VIPR2: variants seen among roughly 807,000 people sequenced by gnomAD.
VIPR2 encodes the protein vasoactive intestinal polypeptide receptor 2.
Under a neutral mutation model 58.0 loss-of-function variants are expected in VIPR2, and 48 were observed. The ratio of observed to expected loss-of-function variants is 0.83; its 90% CI spans 0.66 to 1.05. The LOEUF (loss-of-function observed/expected upper bound fraction) is 1.05. Among genes scored for constraint, VIPR2 ranks in the 50% least tolerant of loss-of-function variants. The pLI, the probability that VIPR2 is intolerant of heterozygous loss-of-function variation, is 0.00. For synonymous variants in VIPR2, 243 were observed against 235.2 expected (o/e 1.03, Z -0.30); for missense variants, 534 against 558.0 (o/e 0.96, Z 0.43).
rs762360337 is a variant in VIPR2, at chr7:159,097,479, C to G, written c.357+6278G>C. On this transcript the variant is annotated intron_variant, in intron 4 of 12. Transcript: ENST00000262178. This position sits in a 1 kb window ranked among gnomAD's most constrained non-coding sequence, Gnocchi z 5.3. ...GGCCATTCCCGGGAACGCCACACTC[C>G]GCCCTGGCCACCTCCACCACAGAAG... is the stretch of plus-strand genomic sequence containing the variant. Among the ~76,000 whole-genome samples, 2 of 152,090 alleles carry G rather than the reference C, an allele frequency of 1.3e-5. No homozygotes were observed. Among genetic ancestry groups the G allele is most frequent in the Admixed American group, 1.3e-4 (2 of 15,272 alleles).
rs1423192043 is a variant in VIPR2, at chr7:159,030,457, A to G, written c.*159T>C. ...TCAATGACAACACGACTCCAATTCC[A>G]GGTATGGGGTTTAGTGGACAACCAG... On this transcript the variant is annotated 3_prime_UTR_variant, in exon 13 of 13. Transcript: ENST00000262178. 2 of 761,736 alleles carry G rather than the reference A, an allele frequency of 2.6e-6. No homozygotes were observed. Among genetic ancestry groups the G allele is most frequent in the Admixed American group, 3.7e-5 (1 of 26,978 alleles). The allele number at this position is 761,736 out of a possible 1,614,324, so 47.2% of individuals were successfully genotyped here. A position where few individuals can be genotyped will look rare whatever the true frequency, so the allele number is the denominator to read the frequency against.
rs1857941353 is a variant in VIPR2, at chr7:159,097,638, G to A, written c.357+6119C>T. On this transcript the variant is annotated intron_variant, in intron 4 of 12. Transcript: ENST00000262178. This position sits in a 1 kb window ranked among gnomAD's most constrained non-coding sequence, Gnocchi z 5.3. ...CCAAGATGAAATCCAAATCACCAAG[G>A]AGAATTCCCACTCCTTTTGGGCTTT... Among the ~76,000 whole-genome samples the A allele has an allele frequency of 6.6e-6, 1 of 152,166 alleles. No individual in the cohort carries two copies. Among genetic ancestry groups the A allele is most frequent in the African/African-American group, 2.4e-5 (1 of 41,436 alleles).
intron 2 of VIPR2, among the ~76,000 whole-genome samples, chr7:159,125,875 A>T (rs1796632655): frequency 6.6e-6 from 1 of 152,112 alleles, no homozygotes; most frequent in African/African-American, 2.4e-5. Flanking sequence ...GTGGGTGGAC[A>T]TTTCCTCGAA....
intron 4 of VIPR2, among the ~76,000 whole-genome samples, chr7:159,066,552 G>T (rs1255079741): frequency 6.6e-6 from 1 of 152,240 alleles, no homozygotes; most frequent in African/African-American, 2.4e-5. Flanking sequence ...CAGGATAATT[G>T]CTCCTGAACC....
At chr7:159,043,963 G>A (rs1301633714) in intron 5 of VIPR2, among the ~76,000 whole-genome samples, 1 of 152,142 alleles carries the variant, frequency 6.6e-6, no homozygotes, top group African/African-American at 2.4e-5. Flanking sequence ...ACATGAAGTG[G>A]GGAACCCAGA....
At chr7:159,090,049 C>T (rs541450646) in intron 4 of VIPR2, among the ~76,000 whole-genome samples, 57 of 150,252 alleles carry the variant, frequency 3.8e-4, no homozygotes, top group African/African-American at 1.4e-3. Flanking sequence ...CATCACAATC[C>T]CCGGTGACCT....
At chr7:159,132,975 C>CAGA (rs1797029518) in intron 2 of VIPR2, among the ~76,000 whole-genome samples, 21 of 145,606 alleles carry the variant, frequency 1.4e-4, no homozygotes, top group East Asian at 3.9e-4. Flanking sequence ...GATTGGCATA[C>CAGA]CGATTGATTT....
In VIPR2 at chr7:159,097,076, C is replaced by T; in HGVS notation, c.357+6681G>A. On this transcript the variant is annotated intron_variant, in intron 4 of 12. Coordinates refer to ENST00000262178, the MANE Select transcript of VIPR2 (RefSeq NM_003382.5). This position sits in a 1 kb window ranked among gnomAD's most constrained non-coding sequence, Gnocchi z 5.3. Reference sequence around the variant, plus strand: ...AGGCTCCTCCTGGCACCCTGGGAGGCTGGTGTGTCCTTGCAGGGTTGCAGG... The same window carrying T: ...AGGCTCCTCCTGGCACCCTGGGAGGTTGGTGTGTCCTTGCAGGGTTGCAGG... 6.5e-7 allele frequency: 1 copy of T among 1,541,284 alleles called. No individual in the cohort carries two copies. Among genetic ancestry groups the T allele is most frequent in the South Asian group, 1.2e-5 (1 of 82,796 alleles).
rs1162002386 is a variant in VIPR2, at chr7:159,093,919, A to T, written c.357+9838T>A. On this transcript the variant is annotated intron_variant, in intron 4 of 12. Transcript: ENST00000262178. The surrounding 1 kb of genome is among the most constrained non-coding windows in gnomAD (Gnocchi z 6.7). ...GGCGCCCCTCGTGACTCCCTCTTTC[A>T]GGGCTGGTGGTCATGTCTGCGTGAT... Among the ~76,000 whole-genome samples the T allele has an allele frequency of 6.6e-6, 1 of 152,120 alleles. No homozygotes were observed. Among genetic ancestry groups the T allele is most frequent in the Admixed American group, 6.5e-5 (1 of 15,274 alleles).
At chr7:159,052,175 A>T (rs982604199) in intron 5 of VIPR2, among the ~76,000 whole-genome samples, 3 of 152,218 alleles carry the variant, frequency 2.0e-5, no homozygotes, top group Admixed American at 2.0e-4. Flanking sequence ...TAAAATTGGT[A>T]ACACTTTATT....
In VIPR2 at chr7:159,032,015, T is replaced by C. The variant is rs866553556; in HGVS notation, c.1024A>G (p.Met342Val). 60 of 1,613,868 alleles carry C rather than the reference T, an allele frequency of 3.7e-5. No homozygotes were observed. The highest frequency in any genetic ancestry group is 2.2e-4 in the Admixed American group (13 of 59,990). The change falls in exon 11 of 13, where the codon ATG becomes GTG. Residue 342 changes from methionine (M) to valine (V), a missense_variant. By Grantham distance (21) the Met-to-Val change is conservative. Transcript: ENST00000262178. ...CTGATGGGAAACACGGCAAACACCATGTAGTGGACGCCGAACAGCGGGATA... is the reference window on the plus strand; with the variant it reads ...CTGATGGGAAACACGGCAAACACCACGTAGTGGACGCCGAACAGCGGGATA... The part of the protein sequence containing the change: ...LLIPLFGVHY[M>V]VFAVFPISIS...
At chr7:159,072,321 A>C (rs1245558258) in intron 4 of VIPR2, among the ~76,000 whole-genome samples, 1 of 152,266 alleles carries the variant, frequency 6.6e-6, no homozygotes, top group Non-Finnish European at 1.5e-5. Flanking sequence ...AAAATTTTAA[A>C]GAGCAAGAAA....
intron 4 of VIPR2, among the ~76,000 whole-genome samples, chr7:159,061,297 T>C (rs2129494114): frequency 6.8e-6 from 1 of 147,986 alleles, no homozygotes; most frequent in Admixed American, 6.8e-5. Flanking sequence ...TCATGAAATA[T>C]ATCCAGGTAA....
At chr7:159,118,669 A>G (rs1463894691) in intron 2 of VIPR2, among the ~76,000 whole-genome samples, 2 of 152,260 alleles carry the variant, frequency 1.3e-5, no homozygotes, top group East Asian at 1.9e-4. Flanking sequence ...ATCAGGTCCA[A>G]GTTCTTTCAT....
chr7:159,119,809 G>A (rs1796384717), intron 2 of VIPR2, among the ~76,000 whole-genome samples: 1 of 151,348 alleles, frequency 6.6e-6, no homozygotes, highest in Non-Finnish European at 1.5e-5. Flanking sequence ...AGCTGTCCAG[G>A]GATGCACAAA....
chr7:159,128,948 C>T lies in VIPR2; in HGVS notation c.151+13498G>A, dbSNP rs549650177. On this transcript the variant is annotated intron_variant, in intron 2 of 12. Coordinates refer to ENST00000262178, the MANE Select transcript of VIPR2 (RefSeq NM_003382.5). The surrounding 1 kb of genome is among the most constrained non-coding windows in gnomAD (Gnocchi z 4.1). ...CCACCCTTCAAGCTCCAGGGCAAAG[C>T]CAGCCCGAGCGCCAGTGTAAATGCA... Among the ~76,000 whole-genome samples, 28 of 152,338 alleles carry T rather than the reference C, an allele frequency of 1.8e-4. No homozygotes were observed. The highest frequency in any genetic ancestry group is 6.5e-4 in the African/African-American group (27 of 41,580).
chr7:159,095,690 C>T lies in VIPR2; in HGVS notation c.357+8067G>A, dbSNP rs369788012. On this transcript the variant is annotated intron_variant, in intron 4 of 12. Coordinates refer to ENST00000262178, the MANE Select transcript of VIPR2 (RefSeq NM_003382.5). The surrounding 1 kb of genome is among the most constrained non-coding windows in gnomAD (Gnocchi z 5.2). ...GGCCCTGCTGTTCTGCCCCCTTGGC[C>T]GTTATCCAGCCCACGGTGGTCTCCA... 1.4e-4 allele frequency among the ~76,000 whole-genome samples: 21 copies of T among 152,168 alleles called. No homozygotes were observed. The highest frequency in any genetic ancestry group is 2.8e-4 in the Non-Finnish European group (19 of 68,022).
intron 4 of VIPR2, among the ~76,000 whole-genome samples, chr7:159,075,363 T>A (rs1856583830): frequency 6.6e-6 from 1 of 152,258 alleles, no homozygotes; most frequent in Non-Finnish European, 1.5e-5. Context: ...GAATTAAGCT[T>A]ATGAACTTCC....
At chr7:159,041,073 C>T (rs908584592) in intron 6 of VIPR2, among the ~76,000 whole-genome samples, 3 of 152,194 alleles carry the variant, frequency 2.0e-5, no homozygotes, top group East Asian at 3.9e-4. Context: ...CTTTGGATCC[C>T]GAGACTCCGG....
Sources: allele counts gnomAD v4.1 joint callset (sites outside exome capture counted in the v4.1 genomes callset), GRCh38; gene constraint gnomAD v4.1.1; non-coding constraint Gnocchi (gnomAD v3.1); transcripts MANE v1.5; gene names NCBI Gene and HGNC (gene_info 2026-07-23, HGNC 2026-07-21).